Variants in B4GALT6 observed in about 807,000 individuals in gnomAD.
The protein encoded by B4GALT6 is beta-1,4-galactosyltransferase 6, also known as UDP-Gal:beta-GlcNAc beta-1,4-galactosyltransferase 6.
In B4GALT6, 14 loss-of-function variants were observed where a neutral mutation model predicts 46.3. The observed-to-expected ratio is 0.30, with a 90% CI of 0.20 to 0.47. The LOEUF is 0.47. B4GALT6 is among the 20% of genes least tolerant of loss of function. The pLI is 0.99. For synonymous variants in B4GALT6, 168 were observed against 162.0 expected, an observed-to-expected ratio of 1.04 and a Z score of -0.28; for missense variants, 386 against 480.1, an observed-to-expected ratio of 0.80 and a Z score of 1.83.
At chr18:31,689,654 G>A (rs2030042382), upstream of B4GALT6, among the ~76,000 whole-genome samples, 1 of 152,218 alleles carries the variant, frequency 6.6e-6, no homozygotes, top group East Asian at 1.9e-4. Context: ...TGAGGCAGGA[G>A]AATTGCTTGA....
rs568044345 is a variant in B4GALT6 at position 31,680,562 on chromosome 18, C to T, written c.115+3750G>A. Among the ~76,000 whole-genome samples the T allele has an allele frequency of 3.3e-5, 5 of 152,288 alleles. No individual in the cohort carries two copies. In the South Asian group the frequency reaches 1.0e-3, roughly 32 times the overall value. ...GGCCCAACCAGATTTCACCTCTACC[C>T]AGAGAGCAAAACAGCCCGTCAGTGT... On this transcript the variant is annotated intron_variant, in intron 1 of 8. Transcript: ENST00000306851.
chr18:31,703,573 G>A, the B4GALT6 span, among the ~76,000 whole-genome samples: 8,845 of 152,204 alleles, frequency 0.058, 833 homozygotes, highest in African/African-American at 0.2. Flanking sequence ...CAGAAATTGG[G>A]ACAGAACCTG....
upstream of B4GALT6, chr18:31,684,827 G>T: frequency 1.0e-6 from 1 of 963,384 alleles, no homozygotes; most frequent in Non-Finnish European, 1.2e-6. Flanking sequence ...TGCGGAGAGG[G>T]GCAGCTAACT....
At chr18:31,639,209 C>T (rs1667280) in intron 4 of B4GALT6, among the ~76,000 whole-genome samples, 72,428 of 151,870 alleles carry the variant, frequency 0.48, 17,489 homozygotes, top group African/African-American at 0.56. Context: ...GGGTTTTCAA[C>T]ACATCTAAGA....
intron 6 of B4GALT6, among the ~76,000 whole-genome samples, 177 bp downstream of exon 6, chr18:31,630,782 A>C (rs1345468192): frequency 1.3e-5 from 2 of 152,116 alleles, no homozygotes; most frequent in African/African-American, 2.4e-5. Flanking sequence ...GGAAGCACCC[A>C]GGGGAACGAA....
chr18:31,637,166 A>G (rs373985950), intron 5 of B4GALT6, among the ~76,000 whole-genome samples: 5 of 152,352 alleles, frequency 3.3e-5, no homozygotes, highest in African/African-American at 1.2e-4. Context: ...AGACTACAAA[A>G]AGTAAGTCAA....
rs1312294233 is a variant in B4GALT6, at chr18:31,638,757, C to A, written c.475G>T (p.Ala159Ser). 1.2e-6 allele frequency: 2 copies of A among 1,608,550 alleles called. No homozygotes were observed. Among genetic ancestry groups the A allele is most frequent in the Non-Finnish European group, 1.7e-6 (2 of 1,175,046 alleles). Residue 159 changes from alanine to serine, a missense_variant, in exon 5 of 9, where the codon GCA (alanine) becomes TCA (serine). Around this residue, in one of 2 missense-constraint regions of B4GALT6, gnomAD observed 323 missense variants for 438.9 expected, o/e 0.74. Coordinates refer to ENST00000306851, the MANE Select transcript of B4GALT6 (RefSeq NM_004775.5). ...CGATTACGGAAAGGAATGAGAACTGCCACCTTTAAAACAAAATAGTCATGT... is the reference window on the plus strand; with the variant it reads ...CGATTACGGAAAGGAATGAGAACTGACACCTTTAAAACAAAATAGTCATGT... ...PKDCKPRWKV[A>S]VLIPFRNRHE...
chr18:31,710,052 G>A, the B4GALT6 span, among the ~76,000 whole-genome samples: 5 of 150,506 alleles, frequency 3.3e-5, no homozygotes, highest in Non-Finnish European at 5.9e-5. Flanking sequence ...CTGAGATCAT[G>A]CCATTGCACT....
chr18:31,632,062 A>G (rs2073798066), intron 5 of B4GALT6, among the ~76,000 whole-genome samples: 1 of 152,214 alleles, frequency 6.6e-6, no homozygotes, highest in Admixed American at 6.5e-5. Flanking sequence ...CATTCTGCAT[A>G]TAAAGAAAAT....
chr18:31,672,737 A>T (rs1466624453), intron 1 of B4GALT6, among the ~76,000 whole-genome samples: 1 of 152,226 alleles, frequency 6.6e-6, no homozygotes, highest in Non-Finnish European at 1.5e-5. Context: ...TCAGATAAAG[A>T]AATTGAAGCA....
intron 1 of B4GALT6, among the ~76,000 whole-genome samples, chr18:31,680,528 G>T (rs2074468207): frequency 6.6e-6 from 1 of 152,138 alleles, no homozygotes; most frequent in Non-Finnish European, 1.5e-5. Context: ...GAGGAAGTCA[G>T]ACCAAAGTGG....
At chr18:31,680,945 C>T (rs2074473042) in intron 1 of B4GALT6, among the ~76,000 whole-genome samples, 1 of 152,220 alleles carries the variant, frequency 6.6e-6, no homozygotes, top group South Asian at 2.1e-4. Context: ...TTTGCTCAGT[C>T]CAGATAAATC....
At chr18:31,628,026 T>C (rs545852503) in intron 6 of B4GALT6, among the ~76,000 whole-genome samples, 1 of 152,314 alleles carries the variant, frequency 6.6e-6, no homozygotes, top group South Asian at 2.1e-4. Context: ...GAACTTTTTG[T>C]TAGACACTCG....
the B4GALT6 span, among the ~76,000 whole-genome samples, chr18:31,717,692 C>T: frequency 6.6e-6 from 1 of 152,048 alleles, no homozygotes; most frequent in Non-Finnish European, 1.5e-5. Context: ...TGGTGGCTCA[C>T]ACCTGTAATC....
chr18:31,695,187 C>A, the B4GALT6 span, among the ~76,000 whole-genome samples: 1 of 151,212 alleles, frequency 6.6e-6, no homozygotes, highest in African/African-American at 2.4e-5. Context: ...AAGTATTACA[C>A]GGGTAGCAGG....
chr18:31,675,008 G>C (rs1009560044), intron 1 of B4GALT6, among the ~76,000 whole-genome samples: 47 of 152,164 alleles, frequency 3.1e-4, no homozygotes, highest in African/African-American at 1.0e-3. Context: ...GACAGAGTCT[G>C]CAAGAATTCT....
At chr18:31,719,101 C>T in the B4GALT6 span, 3 of 152,208 alleles carry the variant, frequency 2.0e-5, no homozygotes, top group African/African-American at 7.2e-5. Flanking sequence ...TAGCTGCACT[C>T]CCCTGCTAGA....
Position 31,622,592 on chromosome 18 carries a change from G to A in B4GALT6, c.*3022C>T, listed in dbSNP as rs1017135789. The stretch of plus-strand genomic sequence containing the variant: ...CACTTGTAGGAAGCCTCCAGAAAGA[G>A]AATATTGTATTGGACATTTTTCCAT... On this transcript the variant is annotated 3_prime_UTR_variant, in exon 9 of 9. Coordinates refer to ENST00000306851, the MANE Select transcript of B4GALT6 (RefSeq NM_004775.5). The A allele has an allele frequency of 1.3e-5, 2 of 152,010 alleles. No homozygotes were observed. The highest frequency in any genetic ancestry group is 2.1e-4 in the South Asian group (1 of 4,832). 9.4% of individuals were successfully genotyped at this position (152,010 alleles called of 1,614,324 possible).
chr18:31,684,697 G>C (rs1432213616), upstream of B4GALT6: 48 of 1,143,044 alleles, frequency 4.2e-5, no homozygotes, highest in Non-Finnish European at 5.1e-5. Flanking sequence ...CTAGGGGCCC[G>C]GGGACGGCAG....
Sources: allele counts gnomAD v4.1 joint callset (sites outside exome capture counted in the v4.1 genomes callset), GRCh38; gene constraint gnomAD v4.1.1; regional missense constraint gnomAD v4.1.1; transcripts MANE v1.5; gene names NCBI Gene and HGNC (gene_info 2026-07-23, HGNC 2026-07-21).